The following MACROD2 variants were observed in gnomAD, a reference collection of about 807,000 sequenced individuals.
The protein encoded by MACROD2 is mono-ADP ribosylhydrolase 2.
Under a neutral mutation model 70.4 loss-of-function variants are expected in MACROD2, and 36 were observed. That is an observed-to-expected ratio of 0.51 (90% CI 0.39 to 0.68). MACROD2 has a LOEUF of 0.68. Among genes scored for constraint, MACROD2 ranks in the 30% least tolerant of loss-of-function variants. The probability of loss-of-function intolerance (pLI) is 0.00; values close to 1 mark genes in which losing one functional copy is unlikely to be tolerated. For missense variants in MACROD2, 496 were observed against 538.4 expected (o/e 0.92, Z 0.78); for synonymous variants, 172 against 178.8 (o/e 0.96, Z 0.30).
At chr20:15,639,916 G>A (rs1187007047) in intron 8 of MACROD2, among the ~76,000 whole-genome samples, 1 of 151,100 alleles carries the variant, frequency 6.6e-6, no homozygotes, top group African/African-American at 2.4e-5. Context: ...AGGGAGAGAA[G>A]GAGAGAAAGA....
At chr20:14,396,549 C>G (rs1194459049) in intron 3 of MACROD2, among the ~76,000 whole-genome samples, 1 of 152,134 alleles carries the variant, frequency 6.6e-6, no homozygotes, top group South Asian at 2.1e-4. Flanking sequence ...ATGGTATATA[C>G]TGTGACATTC....
intron 15 of MACROD2, among the ~76,000 whole-genome samples, chr20:16,027,984 T>C (rs80095831): frequency 6.6e-6 from 1 of 152,140 alleles, no homozygotes; most frequent in Admixed American, 6.6e-5. Context: ...AGATGCTTAA[T>C]TGAGGCCTGG....
chr20:16,032,966 C>G (rs1469440284), intron 15 of MACROD2, among the ~76,000 whole-genome samples: 2 of 151,946 alleles, frequency 1.3e-5, no homozygotes, highest in African/African-American at 4.8e-5. Flanking sequence ...GGGTTAAAAG[C>G]CTTTGACTTA....
At chr20:15,276,087 C>T (rs1025543985) in intron 6 of MACROD2, among the ~76,000 whole-genome samples, 5 of 152,018 alleles carry the variant, frequency 3.3e-5, no homozygotes, top group Admixed American at 6.5e-5. Context: ...ATATATGTGA[C>T]GTAAAAAGTC....
intron 5 of MACROD2, among the ~76,000 whole-genome samples, chr20:14,918,216 T>G (rs1357929224): frequency 6.6e-6 from 1 of 152,130 alleles, no homozygotes; most frequent in East Asian, 1.9e-4. Flanking sequence ...GTTCAAGCAA[T>G]CCACCTGCCT....
intron 5 of MACROD2, among the ~76,000 whole-genome samples, chr20:14,964,026 C>T (rs6043025): frequency 7.7e-4 from 117 of 152,144 alleles, no homozygotes; most frequent in African/African-American, 2.7e-3. Flanking sequence ...GATGGAAATG[C>T]AGCAGAAATT....
At chr20:15,532,077 A>ATGT (rs1485980954) in intron 8 of MACROD2, among the ~76,000 whole-genome samples, 5 of 152,158 alleles carry the variant, frequency 3.3e-5, no homozygotes, top group Non-Finnish European at 5.9e-5. Context: ...AACTTAGTAT[A>ATGT]TGTAGTAAGT....
chr20:15,046,054 G>C (rs968914816), intron 5 of MACROD2, among the ~76,000 whole-genome samples: 11 of 151,760 alleles, frequency 7.2e-5, no homozygotes, highest in South Asian at 4.2e-4. Flanking sequence ...TACGCTCAAG[G>C]CTTCAGTTAA....
chr20:14,735,505 A>G (rs1266654022), intron 5 of MACROD2, among the ~76,000 whole-genome samples: 1 of 152,126 alleles, frequency 6.6e-6, no homozygotes, highest in Non-Finnish European at 1.5e-5. Flanking sequence ...GTTGGTGAGA[A>G]TGCGGAGAAA....
At chr20:14,414,080 A>G (rs2083777922) in intron 3 of MACROD2, among the ~76,000 whole-genome samples, 1 of 152,128 alleles carries the variant, frequency 6.6e-6, no homozygotes. Flanking sequence ...GCTTTAAAAA[A>G]CATTCATTTG....
intron 5 of MACROD2, among the ~76,000 whole-genome samples, chr20:15,196,043 A>G (rs963281644): frequency 3.9e-5 from 6 of 152,168 alleles, no homozygotes; most frequent in African/African-American, 1.2e-4. Flanking sequence ...AAACACATGG[A>G]CACACGGGGG....
At chr20:15,660,157 A>T (rs1309230150) in intron 8 of MACROD2, among the ~76,000 whole-genome samples, 1 of 152,132 alleles carries the variant, frequency 6.6e-6, no homozygotes, top group East Asian at 1.9e-4. Flanking sequence ...ATGGGAGGAG[A>T]GAACAAAAAA....
chr20:15,510,823 G>A (rs921606815), intron 8 of MACROD2, among the ~76,000 whole-genome samples: 1 of 152,220 alleles, frequency 6.6e-6, no homozygotes, highest in Non-Finnish European at 1.5e-5. Flanking sequence ...GCTGGCTAAC[G>A]TGCTGTCCTG....
At chr20:15,036,363 A>G (rs965172606) in intron 5 of MACROD2, among the ~76,000 whole-genome samples, 1 of 152,204 alleles carries the variant, frequency 6.6e-6, no homozygotes, top group East Asian at 1.9e-4. Flanking sequence ...GGTGGTTCTC[A>G]AAGTGTAGTT....
rs6135544 is a variant in MACROD2, at chr20:15,807,924, C to T, written c.646-54821C>T. On this transcript the variant is annotated intron_variant, in intron 8 of 17. Transcript: ENST00000684519. ...TGAAATCCACAAGCAGACAGCCTGG[C>T]GCCACACCCTGGGCCTTGTAGTTAA... Among the ~76,000 whole-genome samples the T allele has an allele frequency of 0.028, 4,213 of 152,104 alleles. 326 individuals carry two copies. In the East Asian group the frequency reaches 0.3, roughly 11 times the overall value.
Position 14,545,983 on chromosome 20 carries a change from G to A in MACROD2, c.301+52475G>A, listed in dbSNP as rs936382776. Among the ~76,000 whole-genome samples, 15 of 152,284 alleles carry A rather than the reference G, an allele frequency of 9.9e-5. No homozygotes were observed. The Middle Eastern group carries it at 0.01, about 104-fold the overall frequency. ...CCGCTTGTAGTGTAAAAGAGAAAAT[G>A]TAAACTGTAATCAGTGTTTCATTTA... is the stretch of plus-strand genomic sequence containing the variant. On this transcript the variant is annotated intron_variant, in intron 4 of 17. Transcript: ENST00000684519.
At chr20:14,414,324 C>T (rs1472259093) in intron 3 of MACROD2, among the ~76,000 whole-genome samples, 3 of 152,234 alleles carry the variant, frequency 2.0e-5, no homozygotes, top group East Asian at 1.9e-4. Flanking sequence ...AAACCGTAGT[C>T]GCTCTTTACT....
intron 3 of MACROD2, among the ~76,000 whole-genome samples, chr20:14,302,835 G>A (rs1437322560): frequency 1.3e-5 from 2 of 151,980 alleles, no homozygotes; most frequent in South Asian, 2.1e-4. Context: ...TGTATCTTTA[G>A]TAGAGATGGG....
chr20:14,451,677 G>A (rs572268662), intron 3 of MACROD2, among the ~76,000 whole-genome samples: 18 of 152,260 alleles, frequency 1.2e-4, no homozygotes, highest in Admixed American at 2.0e-4. Flanking sequence ...AAGAAACAAG[G>A]CAGTGGCTGG....
Sources: gnomAD v4.1 joint callset for allele counts (sites outside exome capture counted in the v4.1 genomes callset) on GRCh38, gnomAD v4.1.1 for gene constraint, MANE v1.5 for transcripts, NCBI Gene and HGNC (gene_info 2026-07-23, HGNC 2026-07-21) for gene names.